TRMT9B: variants seen among roughly 807,000 people sequenced by gnomAD.
TRMT9B encodes tRNA methyltransferase 9B (putative).
Under a neutral mutation model 11.5 loss-of-function variants are expected in TRMT9B, and 16 were observed. The ratio of observed to expected loss-of-function variants is 1.39; its 90% CI spans 0.94 to 2.11. The LOEUF is 2.11. Ranked by LOEUF, TRMT9B falls within the 30% of genes most tolerant of loss-of-function variation. The pLI is 0.00. For missense variants in TRMT9B, 941 were observed against 553.8 expected (o/e 1.70, Z -7.02); for synonymous variants, 274 against 192.4 (o/e 1.42, Z -3.51).
chr8:13,020,781 C>T (rs949008752), intron 4 of TRMT9B, among the ~76,000 whole-genome samples: 14 of 152,146 alleles, frequency 9.2e-5, no homozygotes, highest in Non-Finnish European at 1.5e-4. Context: ...AAATATCTTG[C>T]CCAAGATCAG....
rs1813928055 is a variant in TRMT9B, at chr8:13,021,660, A to AG, written c.983dup (p.Thr329HisfsTer24). 1.9e-6 allele frequency: 3 copies of AG among 1,613,876 alleles called. No homozygotes were observed. The highest frequency in any genetic ancestry group is 3.3e-4 in the Middle Eastern group (2 of 6,062). On this transcript the variant is annotated frameshift_variant, in exon 5 of 5. Transcript: ENST00000524591. LOFTEE classifies it low-confidence loss of function (END_TRUNC). ...AACACTTGGAGTGGCTGAGAGCACC[A>AG]GGCACTCTGAAACATTTAAATGGAG...
intron 3 of TRMT9B, among the ~76,000 whole-genome samples, chr8:13,009,224 A>T (rs1056911238): frequency 3.3e-5 from 5 of 152,290 alleles, no homozygotes; most frequent in African/African-American, 1.2e-4. Context: ...AGGAGAGATT[A>T]AAATGGTGGT....
At chr8:12,950,137 A>G (rs1171818325) in intron 1 of TRMT9B, among the ~76,000 whole-genome samples, 1 of 152,220 alleles carries the variant, frequency 6.6e-6, no homozygotes, top group Non-Finnish European at 1.5e-5. Flanking sequence ...AACAGGCATG[A>G]GCCACCTCAC....
chr8:12,984,201 T>A (rs956951157), intron 1 of TRMT9B, among the ~76,000 whole-genome samples: 1 of 152,212 alleles, frequency 6.6e-6, no homozygotes, highest in East Asian at 1.9e-4. Context: ...AACCATGAAT[T>A]TTGTGTTTAG....
chr8:13,001,728 T>C (rs1315308164), intron 2 of TRMT9B, among the ~76,000 whole-genome samples: 1 of 143,858 alleles, frequency 7.0e-6, no homozygotes, highest in East Asian at 2.4e-4. Flanking sequence ...CTCCAAGATT[T>C]TTCAAAACTC....
At chr8:13,016,152 C>T (rs71522325) in intron 4 of TRMT9B, among the ~76,000 whole-genome samples, 6,797 of 103,074 alleles carry the variant, frequency 0.066, 221 homozygotes, top group South Asian at 0.11. Flanking sequence ...GACCCTGTAC[C>T]TGAAAATCAT....
At chr8:12,961,583 C>T (rs1433485876) in intron 1 of TRMT9B, 5 of 151,806 alleles carry the variant, frequency 3.3e-5, no homozygotes, top group African/African-American at 1.2e-4. Context: ...CGCCTGTAGT[C>T]CCAGCTACCT....
At chr8:12,998,595 G>A (rs192580602) in intron 2 of TRMT9B, among the ~76,000 whole-genome samples, 11 of 152,326 alleles carry the variant, frequency 7.2e-5, no homozygotes, top group African/African-American at 2.6e-4. Context: ...CTTCTTAGGA[G>A]GAGCAGGTAT....
intron 1 of TRMT9B, chr8:12,958,642 G>C (rs1585080485): frequency 6.5e-6 from 1 of 154,082 alleles, no homozygotes; most frequent in African/African-American, 2.4e-5. Context: ...AACAAGGCTA[G>C]CATCTAGAAT....
chr8:12,961,665 C>A lies in TRMT9B; in HGVS notation c.-200+15699C>A, dbSNP rs374522703. 3.7e-3 allele frequency: 524 copies of A among 142,572 alleles called. 7 individuals carry two copies. The Middle Eastern group carries it at 0.052, about 14-fold the overall frequency. The allele number at this position is 142,572 out of a possible 1,614,324, so 8.8% of individuals were successfully genotyped here. A position where few individuals can be genotyped will look rare whatever the true frequency, so the allele number is the denominator to read the frequency against. On this transcript the variant is annotated intron_variant, in intron 1 of 4. Coordinates refer to ENST00000524591, the MANE Select transcript of TRMT9B (RefSeq NM_020844.3). ...GCAGTGAGCCGAGATCACGCCACAG[C>A]ACTCCAGCCTGGGTGACAGAGCGAG...
chr8:12,990,842 C>G lies in TRMT9B; in HGVS notation c.-191C>G. 7.8e-7 allele frequency: 1 copy of G among 1,289,076 alleles called. No homozygotes were observed. The highest frequency in any genetic ancestry group is 1.0e-6 in the Non-Finnish European group (1 of 988,198). The allele number at this position is 1,289,076 out of a possible 1,614,324, so 79.9% of individuals were successfully genotyped here. A position where few individuals can be genotyped will look rare whatever the true frequency, so the allele number is the denominator to read the frequency against. On this transcript the variant is annotated 5_prime_UTR_variant, in exon 2 of 5. Coordinates refer to ENST00000524591, the MANE Select transcript of TRMT9B (RefSeq NM_020844.3). The stretch of plus-strand genomic sequence containing the variant: ...TGTTTTCTTCCTGATAGGGCCTGTG[C>G]TTCCTTCAGAGACTCACACAAGAGG...
At chr8:12,974,155 G>A (rs1377276806) in intron 1 of TRMT9B, among the ~76,000 whole-genome samples, 1 of 151,592 alleles carries the variant, frequency 6.6e-6, no homozygotes, top group Non-Finnish European at 1.5e-5. Flanking sequence ...TGGGTGACAA[G>A]CAAGACCCTG....
In TRMT9B at chr8:12,990,842, C is replaced by T; in HGVS notation, c.-191C>T. On this transcript the variant is annotated 5_prime_UTR_variant, in exon 2 of 5. Coordinates refer to ENST00000524591, the MANE Select transcript of TRMT9B (RefSeq NM_020844.3). ...TGTTTTCTTCCTGATAGGGCCTGTG[C>T]TTCCTTCAGAGACTCACACAAGAGG... 7.8e-7 allele frequency: 1 copy of T among 1,289,076 alleles called. No individual in the cohort carries two copies. Among genetic ancestry groups the T allele is most frequent in the Middle Eastern group, 2.1e-4 (1 of 4,684 alleles). 79.9% of individuals were successfully genotyped at this position (1,289,076 alleles called of 1,614,324 possible). A position where few individuals can be genotyped will look rare whatever the true frequency, so the allele number is the denominator to read the frequency against.
chr8:12,965,133 A>C (rs910303699), intron 1 of TRMT9B, among the ~76,000 whole-genome samples: 1 of 152,242 alleles, frequency 6.6e-6, no homozygotes, highest in Non-Finnish European at 1.5e-5. Flanking sequence ...CATTCTTTCA[A>C]CTGGTGTTAT....
chr8:13,001,062 T>C (rs767740043), intron 2 of TRMT9B, among the ~76,000 whole-genome samples: 3 of 152,060 alleles, frequency 2.0e-5, no homozygotes, highest in African/African-American at 4.8e-5. Context: ...CCCCCCACCA[T>C]GTTATGAAGC....
At position 13,029,736 on chromosome 8, in the gene TRMT9B, A is replaced by G. The variant is rs1417979528; in HGVS notation, c.*7692A>G. The G allele has an allele frequency of 6.5e-6, 1 of 152,814 alleles. No homozygotes were observed. Among genetic ancestry groups the G allele is most frequent in the Non-Finnish European group, 1.5e-5 (1 of 68,042 alleles). 9.5% of individuals were successfully genotyped at this position (152,814 alleles called of 1,614,324 possible). On this transcript the variant is annotated 3_prime_UTR_variant, in exon 5 of 5. Coordinates refer to ENST00000524591, the MANE Select transcript of TRMT9B (RefSeq NM_020844.3). ...TAAAAGAATGTTATTGACCAAAAAG[A>G]CATATTTTGAGATTAATAAAGATGT... is the stretch of plus-strand genomic sequence containing the variant.
Position 13,025,860 on chromosome 8 carries a change from A to G in TRMT9B, c.*3816A>G, listed in dbSNP as rs2128906191. 1 of 166,960 alleles carries G rather than the reference A, an allele frequency of 6.0e-6. No individual in the cohort carries two copies. The highest frequency in any genetic ancestry group is 2.4e-5 in the African/African-American group (1 of 41,584). 10.3% of individuals were successfully genotyped at this position (166,960 alleles called of 1,614,324 possible). A position where few individuals can be genotyped will look rare whatever the true frequency, so the allele number is the denominator to read the frequency against. ...TTCCTTCCAAATTCTACATGCCAGT[A>G]ATTCCTCTGTCTTTTAAGTGACCAT... On this transcript the variant is annotated 3_prime_UTR_variant, in exon 5 of 5. Transcript: ENST00000524591.
intron 1 of TRMT9B, among the ~76,000 whole-genome samples, chr8:12,988,800 A>T (rs761041992): frequency 3.3e-5 from 5 of 152,140 alleles, no homozygotes; most frequent in Non-Finnish European, 7.4e-5. Flanking sequence ...CAATTCTATT[A>T]TTTTTTAGAT....
At chr8:12,952,419 C>A in intron 1 of TRMT9B, 1 of 310,270 alleles carries the variant, frequency 3.2e-6, no homozygotes. Flanking sequence ...ACCTTGCAAA[C>A]AGCCTTGCAA....
Sources: allele counts gnomAD v4.1 joint callset (sites outside exome capture counted in the v4.1 genomes callset), GRCh38; gene constraint gnomAD v4.1.1; transcripts MANE v1.5; gene names NCBI Gene and HGNC (gene_info 2026-07-23, HGNC 2026-07-21).